TMTC1: variants seen among roughly 807,000 people sequenced by gnomAD.
TMTC1 encodes transmembrane O-mannosyltransferase targeting cadherins 1, also known as protein O-mannosyl-transferase TMTC1.
TMTC1 carries 73 observed loss-of-function variants against 104.8 expected under a neutral mutation model. The ratio of observed to expected loss-of-function variants is 0.70; its 90% confidence interval spans 0.58 to 0.85. TMTC1 has a LOEUF of 0.85. TMTC1 is among the 40% of genes least tolerant of loss of function. The pLI is 0.00. For synonymous variants in TMTC1, 434 were observed against 428.7 expected (o/e 1.01, Z -0.15); for missense variants, 1,035 against 1,096.1 (o/e 0.94, Z 0.79).
intron 11 of TMTC1, among the ~76,000 whole-genome samples, chr12:29,528,686 T>C (rs1363742989): frequency 1.3e-5 from 2 of 152,172 alleles, no homozygotes; most frequent in African/African-American, 2.4e-5. Context: ...AAATGACAAA[T>C]GGACATTGGC....
intron 6 of TMTC1, among the ~76,000 whole-genome samples, chr12:29,610,605 G>T (rs1946820141): frequency 6.6e-6 from 1 of 152,150 alleles, no homozygotes; most frequent in South Asian, 2.1e-4. Flanking sequence ...AAAAGTTAAA[G>T]CCGATTCTCA....
chr12:29,634,770 T>C (rs530710337), intron 5 of TMTC1, among the ~76,000 whole-genome samples: 1 of 152,378 alleles, frequency 6.6e-6, no homozygotes, highest in Non-Finnish European at 1.5e-5. Context: ...AGTTTCTCCC[T>C]CATTTGTCAG....
chr12:29,590,688 G>A (rs1318891826), intron 7 of TMTC1, among the ~76,000 whole-genome samples: 2 of 152,190 alleles, frequency 1.3e-5, no homozygotes, highest in Non-Finnish European at 2.9e-5. Flanking sequence ...GGGAGGCTGA[G>A]GCAGGAGAAT....
At chr12:29,680,090 T>G (rs1940862861) in intron 5 of TMTC1, among the ~76,000 whole-genome samples, 1 of 152,118 alleles carries the variant, frequency 6.6e-6, no homozygotes, top group Admixed American at 6.5e-5. Flanking sequence ...AGCAAATAAG[T>G]AATTACGCTG....
chr12:29,748,196 TG>T lies in TMTC1; in HGVS notation c.938+3469del, dbSNP rs1369187866. Among the ~76,000 whole-genome samples the T allele has an allele frequency of 3.3e-5, 5 of 152,340 alleles. No homozygotes were observed. The Middle Eastern group carries it at 0.01, about 311-fold the overall frequency. On this transcript the variant is annotated intron_variant, in intron 5 of 17. Transcript: ENST00000539277. ...CCGGCCCAATTCCAGCTGTGCTATC[TG>T]CTGCTCTCCAATCATCACTCTTTCT...
At chr12:29,608,298 C>G (rs747608593) in intron 6 of TMTC1, among the ~76,000 whole-genome samples, 3 of 152,152 alleles carry the variant, frequency 2.0e-5, no homozygotes, top group Non-Finnish European at 4.4e-5. Flanking sequence ...TTTATAGCTT[C>G]TTTTAGCCTA....
chr12:29,736,261 C>CAAA (rs367958905), intron 5 of TMTC1, among the ~76,000 whole-genome samples: 1 of 88,570 alleles, frequency 1.1e-5, no homozygotes. Flanking sequence ...TAGGTAAAGC[C>CAAA]AAAAAAAAAA....
At chr12:29,656,941 C>T (rs1295638374) in intron 5 of TMTC1, among the ~76,000 whole-genome samples, 1 of 152,180 alleles carries the variant, frequency 6.6e-6, no homozygotes, top group African/African-American at 2.4e-5. Context: ...AGCTGTGAGT[C>T]AGATATCAGC....
intron 5 of TMTC1, among the ~76,000 whole-genome samples, chr12:29,734,671 C>A (rs1942626768): frequency 6.6e-6 from 1 of 152,114 alleles, no homozygotes; most frequent in South Asian, 2.1e-4. Flanking sequence ...TGGGCTGCCA[C>A]ACTAGCGATT....
intron 5 of TMTC1, among the ~76,000 whole-genome samples, chr12:29,739,388 A>G (rs1187983931): frequency 6.6e-6 from 1 of 152,194 alleles, no homozygotes; most frequent in East Asian, 1.9e-4. Context: ...GCCTGGAGAT[A>G]CTATCATTGT....
At chr12:29,562,542 T>C (rs780795700) in intron 9 of TMTC1, among the ~76,000 whole-genome samples, 16 of 152,212 alleles carry the variant, frequency 1.1e-4, no homozygotes, top group Non-Finnish European at 1.5e-4. Context: ...CATATTAACC[T>C]TTCTCAGAGG....
At chr12:29,554,326 C>T (rs528881443) in intron 10 of TMTC1, among the ~76,000 whole-genome samples, 1 of 151,704 alleles carries the variant, frequency 6.6e-6, no homozygotes, top group South Asian at 2.1e-4. Flanking sequence ...CAGTTGTACA[C>T]TTGTCTTCAT....
At position 29,604,318 on chromosome 12, in the gene TMTC1, A is replaced by T; in HGVS notation, c.1129-19T>A. The stretch of plus-strand genomic sequence containing the variant: ...CCAGTCTCTGAAACACACAATAGTG[A>T]AGGAAACATTAACTTCTGTTGAATT... On this transcript the variant is annotated intron_variant, in intron 6 of 17. Coordinates refer to ENST00000539277, the MANE Select transcript of TMTC1 (RefSeq NM_001193451.2). 6.2e-7 allele frequency: 1 copy of T among 1,613,516 alleles called. No individual in the cohort carries two copies. The highest frequency in any genetic ancestry group is 8.5e-7 in the Non-Finnish European group (1 of 1,179,546).
chr12:29,652,842 A>C (rs1939585741), intron 5 of TMTC1, among the ~76,000 whole-genome samples: 1 of 152,182 alleles, frequency 6.6e-6, no homozygotes, highest in Non-Finnish European at 1.5e-5. Flanking sequence ...AGGGTGGATC[A>C]CCTGAGGTCA....
At position 29,520,724 on chromosome 12, in the gene TMTC1, T is replaced by C; in HGVS notation, c.1786-4A>G. 3 of 1,603,868 alleles carry C rather than the reference T, an allele frequency of 1.9e-6. No homozygotes were observed. On this transcript the variant is annotated splice_region_variant and splice_polypyrimidine_tract_variant and intron_variant, in intron 11 of 17. Transcript: ENST00000539277. ...CTTCAGCTTCTTTAAACCGCTCCTT[T>C]AAAAAGAAAGAAACAAACAAAATAA...
intron 5 of TMTC1, among the ~76,000 whole-genome samples, chr12:29,736,881 A>T (rs1222352123): frequency 6.6e-6 from 1 of 152,198 alleles, no homozygotes; most frequent in East Asian, 1.9e-4. Context: ...ATACACACAT[A>T]ACACACACAA....
intron 5 of TMTC1, among the ~76,000 whole-genome samples, chr12:29,742,768 G>C (rs1042146342): frequency 6.6e-6 from 1 of 152,120 alleles, no homozygotes; most frequent in Non-Finnish European, 1.5e-5. Context: ...GTTATCATAA[G>C]GATTCTATTA....
At chr12:29,624,928 A>G (rs7980538) in intron 6 of TMTC1, among the ~76,000 whole-genome samples, 10,832 of 152,268 alleles carry the variant, frequency 0.071, 474 homozygotes, top group South Asian at 0.098. Flanking sequence ...TTGAGAATCA[A>G]TCAAAGGTGA....
intron 5 of TMTC1, among the ~76,000 whole-genome samples, chr12:29,642,960 A>C (rs917260934): frequency 7.9e-5 from 12 of 151,812 alleles, no homozygotes; most frequent in African/African-American, 2.9e-4. Context: ...AACAAACAAA[A>C]AAACCCATCA....
Sources: allele counts gnomAD v4.1 joint callset (sites outside exome capture counted in the v4.1 genomes callset), GRCh38; gene constraint gnomAD v4.1.1; transcripts MANE v1.5; gene names NCBI Gene and HGNC (gene_info 2026-07-23, HGNC 2026-07-21).